Variants in CPNE4 observed in about 807,000 individuals in gnomAD.
The protein encoded by CPNE4 is copine-4.
A neutral mutation model predicts 67.9 loss-of-function variants in CPNE4; 25 were observed. The observed-to-expected ratio is 0.37, with a 90% CI of 0.27 to 0.51. CPNE4 has a LOEUF of 0.51. Among genes scored for constraint, CPNE4 ranks in the 20% least tolerant of loss-of-function variants. The probability of loss-of-function intolerance (pLI) is 0.93; values close to 1 mark genes in which losing one functional copy is unlikely to be tolerated. For synonymous variants in CPNE4, 242 were observed against 244.9 expected (o/e 0.99, Z 0.11); for missense variants, 464 against 690.8 (o/e 0.67, Z 3.68).
intron 2 of CPNE4, among the ~76,000 whole-genome samples, chr3:131,868,794 G>A (rs1208465701): frequency 6.6e-6 from 1 of 152,138 alleles, no homozygotes; most frequent in Non-Finnish European, 1.5e-5. Context: ...ATCCATCAGT[G>A]ATTAGAACAT....
chr3:131,680,104 T>C (rs1422222416), intron 6 of CPNE4, among the ~76,000 whole-genome samples: 1 of 152,184 alleles, frequency 6.6e-6, no homozygotes, highest in Non-Finnish European at 1.5e-5. Context: ...TGAATCAGGG[T>C]GCTCCTATGT....
At chr3:131,895,022 T>C (rs1412913098) in intron 2 of CPNE4, among the ~76,000 whole-genome samples, 1 of 152,044 alleles carries the variant, frequency 6.6e-6, no homozygotes, top group Admixed American at 6.6e-5. Context: ...CAGAATACTA[T>C]CTAGCCATAG....
chr3:131,841,414 TAGG>T (rs2085776402), intron 2 of CPNE4, among the ~76,000 whole-genome samples: 1 of 152,160 alleles, frequency 6.6e-6, no homozygotes, highest in Non-Finnish European at 1.5e-5. Context: ...TGTGGCCTGT[TAGG>T]AACCAGGCTG....
At chr3:132,032,897 C>T (rs1198408704) in intron 1 of CPNE4, among the ~76,000 whole-genome samples, 1 of 152,222 alleles carries the variant, frequency 6.6e-6, no homozygotes, top group Non-Finnish European at 1.5e-5. Context: ...TTTTGCTTGC[C>T]TCTGGCTTTT....
chr3:131,865,652 C>T (rs1468030427), intron 2 of CPNE4, among the ~76,000 whole-genome samples: 1 of 152,190 alleles, frequency 6.6e-6, no homozygotes. Flanking sequence ...CTTCTGACCT[C>T]CACCACCAAC....
At chr3:131,668,673 G>A (rs2080321755) in intron 7 of CPNE4, among the ~76,000 whole-genome samples, 1 of 152,092 alleles carries the variant, frequency 6.6e-6, no homozygotes, top group African/African-American at 2.4e-5. Context: ...GATTTGCTTA[G>A]TTATCCTTAA....
rs76266169 is a variant in CPNE4 at position 131,902,907 on chromosome 3, C to T, written c.180+2357G>A. ...CTATGTATTAAGACACCCATGAATA[C>T]TGTTTTATATTTACATTCTAAGCCT... is the stretch of plus-strand genomic sequence containing the variant. On this transcript the variant is annotated intron_variant, in intron 2 of 15. Transcript: ENST00000429747. Among the ~76,000 whole-genome samples, 594 of 152,114 alleles carry T rather than the reference C, an allele frequency of 3.9e-3. 4 individuals are homozygous for T. Among genetic ancestry groups the T allele is most frequent in the African/African-American group, 0.012 (495 of 41,518 alleles).
chr3:131,898,339 A>G (rs185464770), intron 2 of CPNE4, among the ~76,000 whole-genome samples: 141 of 152,222 alleles, frequency 9.3e-4, no homozygotes, highest in South Asian at 8.3e-4. Flanking sequence ...CTGGGGACCA[A>G]TGCTCCACTT....
At chr3:131,568,074 GA>G (rs1937150085) in intron 10 of CPNE4, among the ~76,000 whole-genome samples, 1 of 151,926 alleles carries the variant, frequency 6.6e-6, no homozygotes, top group South Asian at 2.1e-4. Context: ...GATGAAAAAG[GA>G]AATAGGCTTA....
intron 7 of CPNE4, among the ~76,000 whole-genome samples, chr3:131,666,317 T>C (rs2080260025): frequency 6.6e-6 from 1 of 152,030 alleles, no homozygotes; most frequent in Non-Finnish European, 1.5e-5. Flanking sequence ...ATGAAACAAA[T>C]GAACCTGACT....
intron 3 of CPNE4, among the ~76,000 whole-genome samples, chr3:131,714,763 C>T (rs1034204417): frequency 1.3e-5 from 2 of 152,090 alleles, no homozygotes; most frequent in African/African-American, 4.8e-5. Flanking sequence ...TTTAATATGC[C>T]TCCAGGTGAT....
chr3:131,690,614 C>G (rs1342200574), intron 5 of CPNE4, among the ~76,000 whole-genome samples: 1 of 151,974 alleles, frequency 6.6e-6, no homozygotes, highest in Non-Finnish European at 1.5e-5. Context: ...AAATATCATT[C>G]TGGATGTTGG....
At chr3:132,009,751 C>T (rs940996895) in intron 1 of CPNE4, among the ~76,000 whole-genome samples, 1 of 152,220 alleles carries the variant, frequency 6.6e-6, no homozygotes, top group Non-Finnish European at 1.5e-5. Flanking sequence ...GTAAGTAACT[C>T]TCACTTAATC....
chr3:131,576,157 A>G (rs999803476), intron 9 of CPNE4, among the ~76,000 whole-genome samples: 26 of 146,752 alleles, frequency 1.8e-4, no homozygotes, highest in African/African-American at 5.6e-4. Context: ...TCTTAGAGAG[A>G]CCCAAAAAAT....
At chr3:131,732,315 A>T (rs1292728296) in intron 2 of CPNE4, among the ~76,000 whole-genome samples, 1 of 152,162 alleles carries the variant, frequency 6.6e-6, no homozygotes, top group African/African-American at 2.4e-5. Flanking sequence ...CACTCCATTA[A>T]CTGGCACACT....
At chr3:131,942,745 C>T (rs190831344) in intron 1 of CPNE4, among the ~76,000 whole-genome samples, 8 of 152,058 alleles carry the variant, frequency 5.3e-5, no homozygotes, top group East Asian at 1.9e-4. Context: ...TTCCTCTCTT[C>T]GAATCCCTCT....
intron 2 of CPNE4, among the ~76,000 whole-genome samples, chr3:131,882,960 G>A (rs953825011): frequency 5.3e-5 from 8 of 151,902 alleles, no homozygotes; most frequent in African/African-American, 1.9e-4. Flanking sequence ...CTCATGATCC[G>A]TCTGACTCGG....
At chr3:131,649,683 G>A (rs1190306017) in intron 7 of CPNE4, among the ~76,000 whole-genome samples, 1 of 151,998 alleles carries the variant, frequency 6.6e-6, no homozygotes, top group Non-Finnish European at 1.5e-5. Context: ...ATTCTTATAG[G>A]GTTTGGAGGA....
chr3:131,911,264 C>T (rs959736178), intron 1 of CPNE4, among the ~76,000 whole-genome samples: 2 of 75,202 alleles, frequency 2.7e-5, no homozygotes, highest in African/African-American at 1.1e-4. Context: ...CTCAGTCCAA[C>T]ACGCTGAAAG....
Sources: gnomAD v4.1 joint callset for allele counts (sites outside exome capture counted in the v4.1 genomes callset) on GRCh38, gnomAD v4.1.1 for gene constraint, MANE v1.5 for transcripts, NCBI Gene and HGNC (gene_info 2026-07-23, HGNC 2026-07-21) for gene names.